The following CDH4 variants were observed in gnomAD, a reference collection of about 807,000 sequenced individuals.
CDH4 encodes cadherin 4, also known as cadherin-4.
In CDH4, 33 loss-of-function variants were observed where a neutral mutation model predicts 86.0. The ratio of observed to expected loss-of-function variants is 0.38; its 90% CI spans 0.29 to 0.51. The LOEUF (loss-of-function observed/expected upper bound fraction) is 0.51, where lower values mean the gene tolerates loss of function less well. CDH4 is among the 20% of genes least tolerant of loss of function. CDH4 has a pLI of 0.86. For missense variants in CDH4, 1,114 were observed against 1,307.4 expected (o/e 0.85, Z 2.28); for synonymous variants, 555 against 549.4 (o/e 1.01, Z -0.14).
In CDH4 at chr20:61,844,837, C is replaced by G. The variant is rs1441108640; in HGVS notation, c.732+14C>G. On this transcript the variant is annotated intron_variant, in intron 5 of 15. Coordinates refer to ENST00000614565, the MANE Select transcript of CDH4 (RefSeq NM_001794.5). ...GCCTCTTACCACGTGAGTGTCCACA[C>G]CCGGCTGAGAATGGGGCCCTGGGGT... 2 of 1,604,668 alleles carry G rather than the reference C, an allele frequency of 1.2e-6. No homozygotes were observed. Among genetic ancestry groups the G allele is most frequent in the South Asian group, 2.2e-5 (2 of 90,070 alleles).
rs1354197681 is a variant in CDH4, at chr20:61,697,713, C to A, written c.170-45850C>A. Among the ~76,000 whole-genome samples, 3 of 152,152 alleles carry A rather than the reference C, an allele frequency of 2.0e-5. No individual in the cohort carries two copies. The East Asian group carries it at 5.8e-4, about 29-fold the overall frequency. On this transcript the variant is annotated intron_variant, in intron 2 of 15. Transcript: ENST00000614565. Reference sequence around the variant, plus strand: ...AACCACTGAAATCTAAACTCATGGGCCCTCCCTGGAGGTGTATCTCCCCGG... The same window carrying A: ...AACCACTGAAATCTAAACTCATGGGACCTCCCTGGAGGTGTATCTCCCCGG...
intron 2 of CDH4, among the ~76,000 whole-genome samples, chr20:61,404,889 A>G (rs1226791486): frequency 6.6e-6 from 1 of 151,966 alleles, no homozygotes; most frequent in East Asian, 1.9e-4. Context: ...TCTCTACTAA[A>G]AATACAAAAA....
chr20:61,805,566 A>T (rs1420309389), intron 4 of CDH4, among the ~76,000 whole-genome samples: 1 of 152,216 alleles, frequency 6.6e-6, no homozygotes, highest in African/African-American at 2.4e-5. Flanking sequence ...TGTGTGCAGC[A>T]CAGAGAGGGC....
At chr20:61,541,425 T>G (rs1424504656) in intron 2 of CDH4, among the ~76,000 whole-genome samples, 1 of 152,208 alleles carries the variant, frequency 6.6e-6, no homozygotes. Flanking sequence ...CTGTTTTTAT[T>G]AATAGCAAGC....
At chr20:61,418,253 C>T (rs1488235269) in intron 2 of CDH4, among the ~76,000 whole-genome samples, 2 of 150,082 alleles carry the variant, frequency 1.3e-5, no homozygotes, top group African/African-American at 2.5e-5. Context: ...CTCTGTCCCC[C>T]AGGCTGGACT....
Position 61,610,738 on chromosome 20 carries a change from G to A in CDH4, c.170-132825G>A, listed in dbSNP as rs192739714. On this transcript the variant is annotated intron_variant, in intron 2 of 15. Coordinates refer to ENST00000614565, the MANE Select transcript of CDH4 (RefSeq NM_001794.5). Reference sequence around the variant, plus strand: ...ACATGTGATAGTGTCCGTGTTGAGGGATTAGGTGTCTATTTTAGTCTTTGC... The same window carrying A: ...ACATGTGATAGTGTCCGTGTTGAGGAATTAGGTGTCTATTTTAGTCTTTGC... 5.9e-3 allele frequency among the ~76,000 whole-genome samples: 904 copies of A among 152,294 alleles called. 3 individuals carry two copies. Among genetic ancestry groups the A allele is most frequent in the Middle Eastern group, 0.024 (7 of 294 alleles).
In CDH4 at chr20:61,587,684, C is replaced by T. The variant is rs572489894; in HGVS notation, c.170-155879C>T. On this transcript the variant is annotated intron_variant, in intron 2 of 15. Coordinates refer to ENST00000614565, the MANE Select transcript of CDH4 (RefSeq NM_001794.5). ...TGTTTCTGTGGCCTCCAAAGGGACC[C>T]TGGCTGTAGGGTAACTCAAAGGCGG... Among the ~76,000 whole-genome samples, 8 of 152,288 alleles carry T rather than the reference C, an allele frequency of 5.3e-5. No homozygotes were observed. In the South Asian group the frequency reaches 1.0e-3, roughly 20 times the overall value.
chr20:61,613,896 G>C (rs984621517), intron 2 of CDH4, among the ~76,000 whole-genome samples: 3 of 152,114 alleles, frequency 2.0e-5, no homozygotes, highest in African/African-American at 7.3e-5. Flanking sequence ...TCCCCACAGT[G>C]GTTGCTGGCG....
intron 2 of CDH4, among the ~76,000 whole-genome samples, chr20:61,461,435 T>A (rs1406265292): frequency 6.6e-6 from 1 of 152,170 alleles, no homozygotes; most frequent in Non-Finnish European, 1.5e-5. Flanking sequence ...CTCTGTAGAA[T>A]ACCTTTGTAG....
chr20:61,547,546 C>T (rs879802211), intron 2 of CDH4, among the ~76,000 whole-genome samples: 6 of 143,120 alleles, frequency 4.2e-5, no homozygotes, highest in African/African-American at 1.0e-4. Flanking sequence ...TGTGATTCTC[C>T]GTAGTGAGTC....
At chr20:61,886,093 G>A (rs777304834) in intron 7 of CDH4, among the ~76,000 whole-genome samples, 10 of 152,198 alleles carry the variant, frequency 6.6e-5, no homozygotes, top group African/African-American at 2.2e-4. Flanking sequence ...CATATGTACC[G>A]CCTCTAGGTG....
intron 2 of CDH4, among the ~76,000 whole-genome samples, chr20:61,462,559 A>C (rs918319134): frequency 7.3e-6 from 1 of 136,794 alleles, no homozygotes; most frequent in Non-Finnish European, 1.6e-5. Context: ...TAGGCTTCCC[A>C]CCACTCACTC....
intron 2 of CDH4, among the ~76,000 whole-genome samples, chr20:61,404,128 T>A (rs1047855551): frequency 4.0e-5 from 5 of 125,714 alleles, no homozygotes; most frequent in South Asian, 2.3e-4. Flanking sequence ...GCAGCTGAGC[T>A]GGTGCAGCTG....
chr20:61,719,593 TG>T (rs1349381308), intron 2 of CDH4: 2 of 180,968 alleles, frequency 1.1e-5, no homozygotes, highest in Non-Finnish European at 2.4e-5. Flanking sequence ...GAGTTATGGA[TG>T]CAAAACGCAT....
chr20:61,543,228 A>C (rs2145658649), intron 2 of CDH4, among the ~76,000 whole-genome samples: 1 of 152,358 alleles, frequency 6.6e-6, no homozygotes, highest in Middle Eastern at 3.4e-3. Flanking sequence ...AGACACACCC[A>C]GGAGCAGTAC....
chr20:61,511,782 C>T (rs990900750), intron 2 of CDH4, among the ~76,000 whole-genome samples: 2 of 152,176 alleles, frequency 1.3e-5, no homozygotes, highest in Non-Finnish European at 2.9e-5. Context: ...AAGATTAAGT[C>T]GTCCTGGGTG....
At chr20:61,834,921 C>T (rs1285739389) in intron 4 of CDH4, among the ~76,000 whole-genome samples, 1 of 152,232 alleles carries the variant, frequency 6.6e-6, no homozygotes, top group Admixed American at 6.5e-5. Flanking sequence ...CTGCCCCAGA[C>T]AGTTTTCAGA....
In CDH4 at chr20:61,436,672, GA is replaced by G. The variant is rs1333460709; in HGVS notation, c.169+181736del. 6 of 152,242 alleles carry G rather than the reference GA, an allele frequency of 3.9e-5. No homozygotes were observed. In the East Asian group the frequency reaches 1.2e-3, roughly 29 times the overall value. The allele number at this position is 152,242 out of a possible 1,614,324, so 9.4% of individuals were successfully genotyped here. On this transcript the variant is annotated intron_variant, in intron 2 of 15. Transcript: ENST00000614565. ...GATTTTTATTGTGTTTTGTTATGTA[GA>G]TATGATTAATTAACACATTGGCCTC...
chr20:61,513,474 C>T (rs1568872032), intron 2 of CDH4, among the ~76,000 whole-genome samples: 1 of 152,202 alleles, frequency 6.6e-6, no homozygotes, highest in East Asian at 1.9e-4. Flanking sequence ...CCTTGCCATC[C>T]TCTCCAGGCT....
Sources: allele counts gnomAD v4.1 joint callset (sites outside exome capture counted in the v4.1 genomes callset), GRCh38; gene constraint gnomAD v4.1.1; transcripts MANE v1.5; gene names NCBI Gene and HGNC (gene_info 2026-07-23, HGNC 2026-07-21).